Variants in BICD1 observed in about 807,000 individuals in gnomAD.
BICD1 encodes BICD cargo adaptor 1.
Under a neutral mutation model 92.5 loss-of-function variants are expected in BICD1, and 35 were observed. That is an observed-to-expected ratio of 0.38 (90% CI 0.29 to 0.50). The LOEUF is 0.50. Among genes scored for constraint, BICD1 ranks in the 20% least tolerant of loss-of-function variants. The pLI, the probability that BICD1 is intolerant of heterozygous loss-of-function variation, is 0.93. For missense variants in BICD1, 950 were observed against 1,189.8 expected, an observed-to-expected ratio of 0.80 and a Z score of 2.97; for synonymous variants, 429 against 465.1, an observed-to-expected ratio of 0.92 and a Z score of 1.00.
At chr12:32,180,774 G>A (rs1048280000) in intron 1 of BICD1, among the ~76,000 whole-genome samples, 1 of 151,844 alleles carries the variant, frequency 6.6e-6, no homozygotes, top group Non-Finnish European at 1.5e-5. Context: ...TTGAATACTG[G>A]TTTTGTAAGC....
intron 2 of BICD1, among the ~76,000 whole-genome samples, chr12:32,230,750 C>A (rs1565604158): frequency 2.0e-5 from 3 of 152,162 alleles, no homozygotes; most frequent in African/African-American, 7.2e-5. Context: ...GCAAAAGGGG[C>A]ATCTGTCTCA....
chr12:32,219,541 T>A lies in BICD1; in HGVS notation c.426+3082T>A, dbSNP rs541086041. Among the ~76,000 whole-genome samples, 500 of 152,308 alleles carry A rather than the reference T, an allele frequency of 3.3e-3. 5 individuals are homozygous for A. Among genetic ancestry groups the A allele is most frequent in the African/African-American group, 0.011 (470 of 41,568 alleles). On this transcript the variant is annotated intron_variant, in intron 2 of 9. Coordinates refer to ENST00000652176, the MANE Select transcript of BICD1 (RefSeq NM_001714.4). ...TTATCATTAATAATGTTCTGCATAC[T>A]CCAAAAATATCATTGACGATATGAC...
At chr12:32,249,689 C>T (rs1317714283) in intron 2 of BICD1, among the ~76,000 whole-genome samples, 13 of 145,788 alleles carry the variant, frequency 8.9e-5, no homozygotes, top group Non-Finnish European at 1.2e-4. Context: ...CTCTCTCTCT[C>T]TTTTTTTTTT....
intron 2 of BICD1, among the ~76,000 whole-genome samples, chr12:32,253,473 A>G (rs1946619870): frequency 6.6e-6 from 1 of 152,032 alleles, no homozygotes; most frequent in Non-Finnish European, 1.5e-5. Flanking sequence ...ATAAGAGCTC[A>G]AGAAAGGCCG....
chr12:32,206,178 G>A (rs1198149684), intron 1 of BICD1, among the ~76,000 whole-genome samples: 2 of 152,184 alleles, frequency 1.3e-5, no homozygotes, highest in African/African-American at 2.4e-5. Flanking sequence ...ATGTGATCAC[G>A]TGCTTTCATT....
intron 1 of BICD1, among the ~76,000 whole-genome samples, chr12:32,165,102 T>G (rs184937591): frequency 1.6e-4 from 25 of 152,154 alleles, no homozygotes; most frequent in Middle Eastern, 6.8e-3. Context: ...ACATGAGAGC[T>G]CAGAGGAATT....
Position 32,337,458 on chromosome 12 carries a change from A to C in BICD1, c.2253-41A>C. 6.4e-7 allele frequency: 1 copy of C among 1,560,072 alleles called. No individual in the cohort carries two copies. Among genetic ancestry groups the C allele is most frequent in the Admixed American group, 1.9e-5 (1 of 53,502 alleles). ...CAGCTTAACTCCCAAATTCAGTTTC[A>C]CCAAGATTTTCCTCTGACCACTTCT... On this transcript the variant is annotated intron_variant, in intron 6 of 9. Transcript: ENST00000652176. The surrounding 1 kb of genome is among the most constrained non-coding windows in gnomAD (Gnocchi z 4.7).
chr12:32,305,927 CA>C lies in BICD1; in HGVS notation c.813del (p.Lys271AsnfsTer15). On this transcript the variant is annotated frameshift_variant, in exon 4 of 10. Coordinates refer to ENST00000652176, the MANE Select transcript of BICD1 (RefSeq NM_001714.4). LOFTEE classifies it high-confidence loss of function. ...NHISISVDGL[K>X]FAEDGSEPNN... The stretch of plus-strand genomic sequence containing the variant: ...ATATCAGCATCTCAGTAGATGGACT[CA>C]AATTTGCCGAGGATGGGAGTGAACC... The C allele has an allele frequency of 6.2e-7, 1 of 1,614,164 alleles. No homozygotes were observed. Among genetic ancestry groups the C allele is most frequent in the South Asian group, 1.1e-5 (1 of 91,064 alleles).
intron 2 of BICD1, 28 bp downstream of exon 2, chr12:32,216,487 T>G (rs757696789): frequency 6.2e-7 from 1 of 1,603,276 alleles, no homozygotes; most frequent in South Asian, 1.1e-5. Context: ...CTATGAGAGA[T>G]TTGTGAGAGG....
intron 2 of BICD1, among the ~76,000 whole-genome samples, chr12:32,263,672 T>C (rs12311592): frequency 0.02 from 3,005 of 152,210 alleles, 100 homozygotes; most frequent in African/African-American, 0.068. Context: ...CACCTGGCAA[T>C]AAGGTACTCC....
intron 1 of BICD1, among the ~76,000 whole-genome samples, chr12:32,174,240 C>T (rs866836899): frequency 1.3e-5 from 2 of 151,896 alleles, no homozygotes; most frequent in Non-Finnish European, 2.9e-5. Flanking sequence ...TCCTTTTTAG[C>T]GTCTTTATTT....
chr12:32,382,094 T>G lies in BICD1; in HGVS notation c.*4467T>G, dbSNP rs1432951535. The stretch of plus-strand genomic sequence containing the variant: ...CATTGTCTGTAATAATGCCCTCGGA[T>G]GAGTTGTGTCTAAAATTAAGTTCAT... On this transcript the variant is annotated 3_prime_UTR_variant, in exon 10 of 10. Coordinates refer to ENST00000652176, the MANE Select transcript of BICD1 (RefSeq NM_001714.4). 1 of 152,096 alleles carries G rather than the reference T, an allele frequency of 6.6e-6. No individual in the cohort carries two copies. Among genetic ancestry groups the G allele is most frequent in the East Asian group, 1.9e-4 (1 of 5,192 alleles). 9.4% of individuals were successfully genotyped at this position (152,096 alleles called of 1,614,324 possible).
intron 1 of BICD1, among the ~76,000 whole-genome samples, chr12:32,180,934 C>A (rs969394133): frequency 1.3e-5 from 2 of 151,534 alleles, no homozygotes; most frequent in East Asian, 3.9e-4. Context: ...CTTGTGGGCA[C>A]CAAATTTTTT....
At chr12:32,162,724 T>C (rs1367966855) in intron 1 of BICD1, among the ~76,000 whole-genome samples, 1 of 152,222 alleles carries the variant, frequency 6.6e-6, no homozygotes, top group Non-Finnish European at 1.5e-5. Flanking sequence ...GGCTCATGCC[T>C]GTAAACCCAG....
At position 32,337,916 on chromosome 12, in the gene BICD1, C is replaced by G. The variant is rs1057779; in HGVS notation, c.2570+100C>G. 684,717 of 1,370,152 alleles carry G rather than the reference C, an allele frequency of 0.5. 173,895 individuals are homozygous for G. Among genetic ancestry groups the G allele is most frequent in the East Asian group, 0.78 (33,086 of 42,490 alleles). 84.9% of individuals were successfully genotyped at this position (1,370,152 alleles called of 1,614,324 possible). A position where few individuals can be genotyped will look rare whatever the true frequency, so the allele number is the denominator to read the frequency against. Reference sequence around the variant, plus strand: ...GTTGTGGAGGATGGAGGAGGGGAAGCAAAAGAAAAAATGGGAGCTGGCATA... The same window carrying G: ...GTTGTGGAGGATGGAGGAGGGGAAGGAAAAGAAAAAATGGGAGCTGGCATA... On this transcript the variant is annotated intron_variant, in intron 7 of 9. Coordinates refer to ENST00000652176, the MANE Select transcript of BICD1 (RefSeq NM_001714.4). This position sits in a 1 kb window ranked among gnomAD's most constrained non-coding sequence, Gnocchi z 4.7.
At position 32,216,379 on chromosome 12, in the gene BICD1, C is replaced by A. The variant is rs945989848; in HGVS notation, c.346C>A (p.Leu116Met). 5 of 1,613,972 alleles carry A rather than the reference C, an allele frequency of 3.1e-6. No individual in the cohort carries two copies. The highest frequency in any genetic ancestry group is 1.6e-4 in the Middle Eastern group (1 of 6,084). ...LGKILEMQNE[L>M]KQSRAVVTNV... ...GAAGATCTTGGAGATGCAGAACGAG[C>A]TGAAACAGAGCCGGGCTGTGGTCAC... The change falls in exon 2 of 10, where the codon CTG (leucine) becomes ATG (methionine). Residue 116 changes from leucine (L) to methionine (M), a missense_variant. Physicochemically the swap from Leu to Met is conservative, Grantham distance 15 (BLOSUM62 2). This residue lies in a region of BICD1 where 202 missense variants were observed against 205.3 expected (regional missense o/e 0.98). Coordinates refer to ENST00000652176, the MANE Select transcript of BICD1 (RefSeq NM_001714.4).
intron 1 of BICD1, among the ~76,000 whole-genome samples, chr12:32,165,000 C>A (rs532029327): frequency 6.6e-6 from 1 of 152,294 alleles, no homozygotes; most frequent in South Asian, 2.1e-4. Flanking sequence ...TGACACTGCT[C>A]TGCTTTGCTG....
At chr12:32,223,003 A>G (rs1220853490) in intron 2 of BICD1, among the ~76,000 whole-genome samples, 2 of 152,218 alleles carry the variant, frequency 1.3e-5, no homozygotes, top group Admixed American at 6.5e-5. Flanking sequence ...TATTTTGTCT[A>G]TGTTGAAAAT....
At chr12:32,275,900 C>A (rs1947262166) in intron 2 of BICD1, among the ~76,000 whole-genome samples, 1 of 152,170 alleles carries the variant, frequency 6.6e-6, no homozygotes. Context: ...TAGCTCATCG[C>A]ATGGCCCAAG....
Sources: allele counts gnomAD v4.1 joint callset (sites outside exome capture counted in the v4.1 genomes callset), GRCh38; gene constraint gnomAD v4.1.1; regional missense constraint gnomAD v4.1.1; non-coding constraint Gnocchi (gnomAD v3.1); transcripts MANE v1.5; gene names NCBI Gene and HGNC (gene_info 2026-07-23, HGNC 2026-07-21).